The following KCNC3 variants were observed in gnomAD, a reference collection of about 807,000 sequenced individuals.
KCNC3 encodes potassium voltage-gated channel subfamily C member 3, also known as voltage-gated potassium channel KCNC3.
In KCNC3, 22 loss-of-function variants were observed where a neutral mutation model predicts 43.9. The observed-to-expected ratio is 0.50, with a 90% confidence interval of 0.36 to 0.72. KCNC3 has a LOEUF of 0.72. KCNC3 is among the 30% of genes least tolerant of loss of function. The pLI is 0.00. For missense variants in KCNC3, 829 were observed against 1,073.8 expected (o/e 0.77, Z 3.19); for synonymous variants, 492 against 488.0 (o/e 1.01, Z -0.11).
Position 50,320,311 on chromosome 19 carries a change from T to C in KCNC3, c.2209A>G (p.Lys737Glu). The C allele has an allele frequency of 7.3e-6, 4 of 548,076 alleles. No individual in the cohort carries two copies. The highest frequency in any genetic ancestry group is 1.0e-5 in the Non-Finnish European group (4 of 381,244). The allele number at this position is 548,076 out of a possible 1,614,324, so 34.0% of individuals were successfully genotyped here. ...GGCAAGAAGCTTGGGGGGCCTGGCT[T>C]ACGCCAGTCTTGGGGGGGCAGTGGG... ...APPLPPQDWRKPGPPSFLPDL... is the reference protein window; with the variant it reads ...APPLPPQDWREPGPPSFLPDL... The change falls in exon 4 of 5, where the codon AAG becomes GAG. Residue 737 changes from lysine (K) to glutamate (E), a missense_variant. Physicochemically the swap from Lys to Glu is moderately conservative, Grantham distance 56 (BLOSUM62 1). Transcript: ENST00000477616.
At chr19:50,332,171 G>A (rs895215656), upstream of KCNC3, among the ~76,000 whole-genome samples, 1 of 152,170 alleles carries the variant, frequency 6.6e-6, no homozygotes, top group African/African-American at 2.4e-5. The surrounding 1 kb of genome is among the most constrained non-coding windows in gnomAD (Gnocchi z 5.8). Context: ...GAGGCTCCTG[G>A]GCAATTGGGG....
rs778580197 is a variant in KCNC3 at position 50,328,459 on chromosome 19, C to T, written c.624G>A (p.Ala208=). The change falls in exon 1 of 5, where the codon GCG becomes GCA. Residue 208 remains alanine, a synonymous_variant. Coordinates refer to ENST00000477616, the MANE Select transcript of KCNC3 (RefSeq NM_004977.3). ...ALDSFEAPDP[A]GAANAANAAG... Reference sequence around the variant, plus strand: ...CGGCGTTGGCGGCGTTGGCGGCGCCCGCGGGGTCGGGCGCCTCGAAGGAGT... The same window carrying T: ...CGGCGTTGGCGGCGTTGGCGGCGCCTGCGGGGTCGGGCGCCTCGAAGGAGT... The T allele has an allele frequency of 1.9e-5, 30 of 1,595,006 alleles. No homozygotes were observed. Among genetic ancestry groups the T allele is most frequent in the Non-Finnish European group, 2.4e-5 (28 of 1,172,870 alleles).
Position 50,324,370 on chromosome 19 carries a change from C to T in KCNC3, c.871-288G>A, listed in dbSNP as rs1416571286. 2.0e-5 allele frequency among the ~76,000 whole-genome samples: 3 copies of T among 152,220 alleles called. No individual in the cohort carries two copies. Among genetic ancestry groups the T allele is most frequent in the Non-Finnish European group, 2.9e-5 (2 of 68,028 alleles). On this transcript the variant is annotated intron_variant, in intron 1 of 4. Transcript: ENST00000477616. This position sits in a 1 kb window ranked among gnomAD's most constrained non-coding sequence, Gnocchi z 4.1. ...CCTTGGAAACATTTCTGGCCCCTTG[C>T]TGTTTCCTAGACCACCTCCCCCCAC...
rs2036945382 is a variant in KCNC3 at position 50,315,886 on chromosome 19, C to T, written c.*229G>A. The T allele has an allele frequency of 1.5e-5, 5 of 333,162 alleles. No individual in the cohort carries two copies. Among genetic ancestry groups the T allele is most frequent in the Non-Finnish European group, 2.9e-5 (5 of 173,630 alleles). The allele number at this position is 333,162 out of a possible 1,614,324, so 20.6% of individuals were successfully genotyped here. ...GGGCTGCCTGCAGGGTTCTGCACCC[C>T]CGCAGGGAGCTCTGTGGCTTTTCCA... is the stretch of plus-strand genomic sequence containing the variant. On this transcript the variant is annotated 3_prime_UTR_variant, in exon 5 of 5. Coordinates refer to ENST00000477616, the MANE Select transcript of KCNC3 (RefSeq NM_004977.3).
rs1419810842 is a variant in KCNC3 at position 50,312,278 on chromosome 19, T to A, written c.*3837A>T. The A allele has an allele frequency of 1.5e-5, 2 of 130,366 alleles. No individual in the cohort carries two copies. The highest frequency in any genetic ancestry group is 5.7e-5 in the African/African-American group (2 of 35,096). The allele number at this position is 130,366 out of a possible 1,614,324, so 8.1% of individuals were successfully genotyped here. A position where few individuals can be genotyped will look rare whatever the true frequency, so the allele number is the denominator to read the frequency against. Reference sequence around the variant, plus strand: ...ACAGGCTAGGCCCGCCCCGCCCACATTTGAGTGAGAGAAACTTATTGCTCT... The same window carrying A: ...ACAGGCTAGGCCCGCCCCGCCCACAATTGAGTGAGAGAAACTTATTGCTCT... On this transcript the variant is annotated 3_prime_UTR_variant, in exon 5 of 5. Transcript: ENST00000477616.
intron 1 of KCNC3, among the ~76,000 whole-genome samples, chr19:50,326,176 T>G (rs1183637499): frequency 6.6e-6 from 1 of 152,170 alleles, no homozygotes; most frequent in African/African-American, 2.4e-5. Flanking sequence ...TCGGCACACC[T>G]TGGACACCCA....
intron 1 of KCNC3, among the ~76,000 whole-genome samples, chr19:50,326,227 C>T (rs373588662): frequency 1.3e-5 from 2 of 152,206 alleles, no homozygotes; most frequent in African/African-American, 4.8e-5. Context: ...CCGTAGCTGT[C>T]CCGAACACCT....
At chr19:50,320,915 T>A in intron 2 of KCNC3, 131 bp from the exon 3 acceptor site, 1 of 810,800 alleles carries the variant, frequency 1.2e-6, no homozygotes, top group South Asian at 1.6e-5. Context: ...GAAGTGGAGA[T>A]TCAAGGGCAG....
chr19:50,328,981 TGGCGGCGGCGGGGACTCGGGCGGCTGC>T lies in KCNC3; in HGVS notation c.75_101del (p.Gln26_Pro34del). On this transcript the variant is annotated inframe_deletion, in exon 1 of 5. Transcript: ENST00000477616. ...GCTGCTGCTGCTGCGGCGGCAGCGGTGGCGGCGGCGGGGACTCGGGCGGCTGCGGCGGTGGCGCCGGCTGCTGCTTGC... is the reference window on the plus strand; with the variant it reads ...GCTGCTGCTGCTGCGGCGGCAGCGGTGGCGGTGGCGCCGGCTGCTGCTTGC... 9.3e-7 allele frequency: 1 copy of T among 1,073,542 alleles called. No individual in the cohort carries two copies. 66.5% of individuals were successfully genotyped at this position (1,073,542 alleles called of 1,614,324 possible). A position where few individuals can be genotyped will look rare whatever the true frequency, so the allele number is the denominator to read the frequency against.
At chr19:50,332,207 G>C (rs561604216), upstream of KCNC3, among the ~76,000 whole-genome samples, 1 of 152,264 alleles carries the variant, frequency 6.6e-6, no homozygotes, top group South Asian at 2.1e-4. The surrounding 1 kb of genome is among the most constrained non-coding windows in gnomAD (Gnocchi z 5.8). Flanking sequence ...CAGGAGCAAG[G>C]GCTGGGTAGG....
chr19:50,315,921 A>C lies in KCNC3; in HGVS notation c.*194T>G. On this transcript the variant is annotated 3_prime_UTR_variant, in exon 5 of 5. Transcript: ENST00000477616. ...CTCTGTGGCTTTTCCAGGCAACGCT[A>C]AGGGAGCTGTCTGGACAAAAGGTGT... 3.0e-6 allele frequency: 1 copy of C among 328,494 alleles called. No individual in the cohort carries two copies. The highest frequency in any genetic ancestry group is 5.9e-6 in the Non-Finnish European group (1 of 170,404). 20.3% of individuals were successfully genotyped at this position (328,494 alleles called of 1,614,324 possible).
Position 50,329,094 on chromosome 19 carries a change from C to A in KCNC3, c.-12G>T. 1 of 69,692 alleles carries A rather than the reference C, an allele frequency of 1.4e-5. No homozygotes were observed. The highest frequency in any genetic ancestry group is 2.3e-5 in the Non-Finnish European group (1 of 42,898). The allele number at this position is 69,692 out of a possible 1,614,324, so 4.3% of individuals were successfully genotyped here. A position where few individuals can be genotyped will look rare whatever the true frequency, so the allele number is the denominator to read the frequency against. The stretch of plus-strand genomic sequence containing the variant: ...ACTGAGCTCAGCATTGGACGGGGGG[C>A]GGGGCGGGAGGGGCGGGGACGCAGG... On this transcript the variant is annotated 5_prime_UTR_variant, in exon 1 of 5. Coordinates refer to ENST00000477616, the MANE Select transcript of KCNC3 (RefSeq NM_004977.3).
Position 50,321,465 on chromosome 19 carries a change from C to CA in KCNC3, c.1979-682dup, listed in dbSNP as rs2037032912. The stretch of plus-strand genomic sequence containing the variant: ...GGGTGATAGAGTGAGACCCTGTCTC[C>CA]AAAAAAGATAAAAGATAAAAGATGC... On this transcript the variant is annotated intron_variant, in intron 2 of 4. Coordinates refer to ENST00000477616, the MANE Select transcript of KCNC3 (RefSeq NM_004977.3). Among the ~76,000 whole-genome samples, 3 of 151,548 alleles carry CA rather than the reference C, an allele frequency of 2.0e-5. No individual in the cohort carries two copies. In the East Asian group the frequency reaches 5.8e-4, roughly 29 times the overall value.
At chr19:50,331,651 C>T (rs2037190593), upstream of KCNC3, among the ~76,000 whole-genome samples, 1 of 150,270 alleles carries the variant, frequency 6.7e-6, no homozygotes, top group Non-Finnish European at 1.5e-5. Flanking sequence ...TGTATTTCCC[C>T]CTCTTCCGTC....
chr19:50,328,370 G>C lies in KCNC3; in HGVS notation c.713C>G (p.Ala238Gly). 6 of 1,203,422 alleles carry C rather than the reference G, an allele frequency of 5.0e-6. No homozygotes were observed. Among genetic ancestry groups the C allele is most frequent in the Non-Finnish European group, 6.2e-6 (6 of 972,548 alleles). 74.5% of individuals were successfully genotyped at this position (1,203,422 alleles called of 1,614,324 possible). A position where few individuals can be genotyped will look rare whatever the true frequency, so the allele number is the denominator to read the frequency against. The change falls in exon 1 of 5, where the codon GCG becomes GGG. Residue 238 changes from alanine (A) to glycine (G), a missense_variant. Ala to Gly is a moderately conservative substitution (Grantham distance 60). This residue lies in a region of KCNC3 where 60 missense variants were observed against 56.0 expected (regional missense o/e 1.07). Coordinates refer to ENST00000477616, the MANE Select transcript of KCNC3 (RefSeq NM_004977.3). ...GCAGAGGCGCTTGAGCTCGCCGCCCGCTCCGTCCAGGCCGCCGCCGCCCGC... is the reference window on the plus strand; with the variant it reads ...GCAGAGGCGCTTGAGCTCGCCGCCCCCTCCGTCCAGGCCGCCGCCGCCCGC... ...AGAGGGGLDGAGGELKRLCFQ... is the reference protein window; with the variant it reads ...AGAGGGGLDGGGGELKRLCFQ...
At chr19:50,320,858 G>T in intron 2 of KCNC3, 74 bp from the exon 3 acceptor site, 2 of 1,428,040 alleles carry the variant, frequency 1.4e-6, no homozygotes, top group Non-Finnish European at 9.7e-7. Flanking sequence ...GGGGCAAGAT[G>T]TCTGCGAGGA....
intron 4 of KCNC3, among the ~76,000 whole-genome samples, chr19:50,318,331 C>G (rs187292806): frequency 2.6e-5 from 4 of 152,090 alleles, no homozygotes; most frequent in African/African-American, 9.6e-5. Flanking sequence ...CCCACCACCA[C>G]GCATGGCTAA....
In KCNC3 at chr19:50,320,278, T is replaced by G; in HGVS notation, c.2242A>C (p.Asn748His). 1.1e-6 allele frequency: 1 copy of G among 941,714 alleles called. No individual in the cohort carries two copies. The highest frequency in any genetic ancestry group is 1.4e-6 in the Non-Finnish European group (1 of 721,884). 58.3% of individuals were successfully genotyped at this position (941,714 alleles called of 1,614,324 possible). A position where few individuals can be genotyped will look rare whatever the true frequency, so the allele number is the denominator to read the frequency against. The change falls in exon 4 of 5, where the codon AAC becomes CAC. Residue 748 changes from asparagine (N) to histidine (H), a missense_variant. Physicochemically the swap from Asn to His is moderately conservative, Grantham distance 68. Around this residue, in one of 7 missense-constraint regions of KCNC3, gnomAD observed 308 missense variants for 276.2 expected, o/e 1.11. Transcript: ENST00000477616. ...GATATCCAGGCCGCGGCGTTGGCGT[T>G]GAGGTCGGGCAAGAAGCTTGGGGGG... ...PGPPSFLPDLNANAAAWISP is the reference protein window; with the variant it reads ...PGPPSFLPDLHANAAAWISP
In KCNC3 at chr19:50,312,245, C is replaced by T. The variant is rs964461737; in HGVS notation, c.*3870G>A. ...GAGAGCGCCCCCTCACCACTCCCCC[C>T]ACCAGCGACAGGCTAGGCCCGCCCC... On this transcript the variant is annotated 3_prime_UTR_variant, in exon 5 of 5. Coordinates refer to ENST00000477616, the MANE Select transcript of KCNC3 (RefSeq NM_004977.3). 7.9e-5 allele frequency: 12 copies of T among 152,114 alleles called. No homozygotes were observed. Among genetic ancestry groups the T allele is most frequent in the South Asian group, 2.1e-4 (1 of 4,822 alleles). 9.4% of individuals were successfully genotyped at this position (152,114 alleles called of 1,614,324 possible).
Sources: gnomAD v4.1 joint callset for allele counts (sites outside exome capture counted in the v4.1 genomes callset) on GRCh38, gnomAD v4.1.1 for gene constraint, gnomAD v4.1.1 regional missense constraint, Gnocchi (gnomAD v3.1) non-coding constraint, MANE v1.5 for transcripts, NCBI Gene and HGNC (gene_info 2026-07-23, HGNC 2026-07-21) for gene names.